The following EPS15L1 variants were observed in gnomAD, a reference collection of about 807,000 sequenced individuals.
EPS15L1 encodes the protein epidermal growth factor receptor substrate 15-like 1.
A neutral mutation model predicts 117.1 loss-of-function variants in EPS15L1; 43 were observed. That is an observed-to-expected ratio of 0.37 (90% CI 0.29 to 0.47). EPS15L1 has a LOEUF of 0.47. EPS15L1 is among the 20% of genes least tolerant of loss of function. EPS15L1 has a pLI of 0.99. For synonymous variants in EPS15L1, 459 were observed against 470.5 expected, an observed-to-expected ratio of 0.98 and a Z score of 0.32; for missense variants, 981 against 1,164.0, an observed-to-expected ratio of 0.84 and a Z score of 2.29.
chr19:16,397,465 T>C (rs2144801614), intron 16 of EPS15L1, among the ~76,000 whole-genome samples: 3 of 152,060 alleles, frequency 2.0e-5, no homozygotes, highest in Admixed American at 2.0e-4. Context: ...AACTTGGAAA[T>C]GCCATGAAGA....
intron 1 of EPS15L1, among the ~76,000 whole-genome samples, chr19:16,442,614 C>G (rs566357897): frequency 6.6e-6 from 1 of 152,266 alleles, no homozygotes; most frequent in South Asian, 2.1e-4. Flanking sequence ...GAAGTTTCCA[C>G]GCATTATCAT....
At chr19:16,460,336 TA>T (rs558903348) in intron 1 of EPS15L1, among the ~76,000 whole-genome samples, 1 of 151,948 alleles carries the variant, frequency 6.6e-6, no homozygotes, top group African/African-American at 2.4e-5. Flanking sequence ...GTCATTTTCT[TA>T]AAAAAAATAC....
At chr19:16,437,927 G>C (rs975156621) in intron 4 of EPS15L1, 62 bp from the exon 5 acceptor site, 2 of 1,255,612 alleles carry the variant, frequency 1.6e-6, no homozygotes, top group Non-Finnish European at 2.3e-6. Context: ...AGGGGGAGCT[G>C]TCTCTAACAG....
rs2093038480 is a variant in EPS15L1 at position 16,442,188 on chromosome 19, T to C, written c.65A>G (p.Tyr22Cys). 6.2e-7 allele frequency: 1 copy of C among 1,613,420 alleles called. No individual in the cohort carries two copies. The highest frequency in any genetic ancestry group is 1.1e-5 in the South Asian group (1 of 91,082). The change falls in exon 2 of 24, where the codon TAT (tyrosine) becomes TGT (cysteine). Residue 22 changes from tyrosine (Y) to cysteine (C), a missense_variant. Coordinates refer to ENST00000455140, the MANE Select transcript of EPS15L1 (RefSeq NM_001258374.3). ...IPTGNSLYES[Y>C]YKQVDPAYTG... ...ATCAGCTAAACTTACCTGCTTGTAA[T>C]AAGATTCATACAACGAATTTCCAGT...
At chr19:16,429,228 G>A (rs758491557) in intron 7 of EPS15L1, among the ~76,000 whole-genome samples, 20 of 152,118 alleles carry the variant, frequency 1.3e-4, no homozygotes, top group Non-Finnish European at 4.4e-5. Context: ...CCCCAGCAGT[G>A]GATGGTGAGA....
chr19:16,436,043 T>A (rs2092975052), intron 6 of EPS15L1, among the ~76,000 whole-genome samples: 1 of 152,188 alleles, frequency 6.6e-6, no homozygotes, highest in Non-Finnish European at 1.5e-5. Flanking sequence ...CCACAGTGAT[T>A]GCCACTGGCA....
In EPS15L1 at chr19:16,371,470, TG is replaced by T. The variant is rs993555831; in HGVS notation, c.2380+5651del. Among the ~76,000 whole-genome samples, 1 of 152,102 alleles carries T rather than the reference TG, an allele frequency of 6.6e-6. No homozygotes were observed. The highest frequency in any genetic ancestry group is 1.5e-5 in the Non-Finnish European group (1 of 68,006). Reference sequence around the variant, plus strand: ...TAAAAGCTGTTCGTTAGTGCAACTGTGGGGAGGGGGCGAAAAGACATGCTCA... The same window carrying T: ...TAAAAGCTGTTCGTTAGTGCAACTGTGGGAGGGGGCGAAAAGACATGCTCA... On this transcript the variant is annotated intron_variant, in intron 22 of 23. Transcript: ENST00000455140. This position sits in a 1 kb window ranked among gnomAD's most constrained non-coding sequence, Gnocchi z 4.7.
chr19:16,387,816 A>T (rs2092436098), intron 19 of EPS15L1, among the ~76,000 whole-genome samples: 1 of 152,234 alleles, frequency 6.6e-6, no homozygotes, highest in Non-Finnish European at 1.5e-5. Flanking sequence ...ATAACCAAGA[A>T]TAAAAGAAAG....
At chr19:16,428,849 T>C in intron 7 of EPS15L1, 88 bp from the exon 8 acceptor site, 2 of 997,938 alleles carry the variant, frequency 2.0e-6, no homozygotes, top group Non-Finnish European at 3.1e-6. Flanking sequence ...CTCTCAGCCG[T>C]GGCACTCACT....
chr19:16,468,511 A>G (rs2093322624), intron 1 of EPS15L1, among the ~76,000 whole-genome samples: 1 of 148,842 alleles, frequency 6.7e-6, no homozygotes, highest in African/African-American at 2.5e-5. Flanking sequence ...ATGCCTGGCT[A>G]ACTTTTGTAT....
At position 16,434,371 on chromosome 19, in the gene EPS15L1, C is replaced by T; in HGVS notation, c.492G>A (p.Leu164=). ...LMNSKLPLDV[L]GRVWDLSDID... ...AAGCCCGTGGCCCACTTACCCTGCCCAGGACATCAAGAGGCAGCTTTGAGT... is the reference window on the plus strand; with the variant it reads ...AAGCCCGTGGCCCACTTACCCTGCCTAGGACATCAAGAGGCAGCTTTGAGT... The change falls in exon 7 of 24, where the codon CTG becomes CTA. Residue 164 remains leucine (L), a synonymous_variant. Coordinates refer to ENST00000455140, the MANE Select transcript of EPS15L1 (RefSeq NM_001258374.3). The T allele has an allele frequency of 6.2e-7, 1 of 1,614,000 alleles. No homozygotes were observed. The highest frequency in any genetic ancestry group is 8.5e-7 in the Non-Finnish European group (1 of 1,179,948).
rs2092992925 is a variant in EPS15L1 at position 16,437,868 on chromosome 19, G to C, written c.214-3C>G. The C allele has an allele frequency of 6.2e-7, 1 of 1,612,474 alleles. No individual in the cohort carries two copies. The highest frequency in any genetic ancestry group is 1.1e-5 in the South Asian group (1 of 91,044). The stretch of plus-strand genomic sequence containing the variant: ...AGTCTCAGTGCAACATAGAAACCCT[G>C]CAAGTCCAAAGAAAGGGAAGGAGTA... On this transcript the variant is annotated splice_polypyrimidine_tract_variant and splice_region_variant and intron_variant, in intron 4 of 23. Transcript: ENST00000455140.
intron 12 of EPS15L1, among the ~76,000 whole-genome samples, chr19:16,416,861 T>C (rs1165262129): frequency 6.6e-6 from 1 of 152,038 alleles, no homozygotes; most frequent in Non-Finnish European, 1.5e-5. Context: ...ATACAGGAAG[T>C]GACTGCATTT....
chr19:16,432,125 A>G (rs1192649699), intron 7 of EPS15L1, among the ~76,000 whole-genome samples: 1 of 152,146 alleles, frequency 6.6e-6, no homozygotes, highest in Non-Finnish European at 1.5e-5. Context: ...ACAGAAACAA[A>G]TTGAGGCTTT....
Position 16,365,666 on chromosome 19 carries a change from G to C in EPS15L1, c.2381-3682C>G, listed in dbSNP as rs2092123862. ...GGGATAGGGACAGTGACCTCAGCCA[G>C]TCCCTCGAGCCCCTGCCTGCTTCTG... is the stretch of plus-strand genomic sequence containing the variant. On this transcript the variant is annotated intron_variant, in intron 22 of 23. Coordinates refer to ENST00000455140, the MANE Select transcript of EPS15L1 (RefSeq NM_001258374.3). This position sits in a 1 kb window ranked among gnomAD's most constrained non-coding sequence, Gnocchi z 4.9. Among the ~76,000 whole-genome samples, 1 of 152,222 alleles carries C rather than the reference G, an allele frequency of 6.6e-6. No homozygotes were observed. Among genetic ancestry groups the C allele is most frequent in the Admixed American group, 6.5e-5 (1 of 15,288 alleles).
In EPS15L1 at chr19:16,471,371, A is replaced by T. The variant is rs146955382; in HGVS notation, c.33+542T>A. The stretch of plus-strand genomic sequence containing the variant: ...GCCCCTTCATAAGCGCATCAGGCGA[A>T]TTTGAGGACACAGAGAGGCGCCCGG... On this transcript the variant is annotated intron_variant, in intron 1 of 23. Transcript: ENST00000455140. The surrounding 1 kb of genome is among the most constrained non-coding windows in gnomAD (Gnocchi z 4.8). Among the ~76,000 whole-genome samples, 989 of 152,308 alleles carry T rather than the reference A, an allele frequency of 6.5e-3. 13 individuals carry two copies. Among genetic ancestry groups the T allele is most frequent in the African/African-American group, 0.023 (943 of 41,584 alleles).
intron 19 of EPS15L1, among the ~76,000 whole-genome samples, chr19:16,389,143 G>GA (rs200214391): frequency 4.5e-4 from 64 of 143,752 alleles, no homozygotes; most frequent in African/African-American, 6.9e-4. Context: ...GCGGAGGTTG[G>GA]AAAAAAAAAA....
At chr19:16,368,299 CACAT>C (rs2144661775) in intron 22 of EPS15L1, among the ~76,000 whole-genome samples, 1 of 152,216 alleles carries the variant, frequency 6.6e-6, no homozygotes, top group Non-Finnish European at 1.5e-5. Flanking sequence ...AGTGGACGCA[CACAT>C]ACAACCATCA....
intron 1 of EPS15L1, among the ~76,000 whole-genome samples, chr19:16,451,290 AAAATGAGAAGTTTTGTTTTTTCTTT>A (rs2093139815): frequency 6.6e-6 from 1 of 152,192 alleles, no homozygotes; most frequent in South Asian, 2.1e-4. Context: ...CCATCATCTC[AAAATGAGAAGTTTTGTTTTTTCTTT>A]AAAGACTTAG....
Sources: gnomAD v4.1 joint callset for allele counts (sites outside exome capture counted in the v4.1 genomes callset) on GRCh38, gnomAD v4.1.1 for gene constraint, Gnocchi (gnomAD v3.1) non-coding constraint, MANE v1.5 for transcripts, NCBI Gene and HGNC (gene_info 2026-07-23, HGNC 2026-07-21) for gene names.